The following REC114 variants were observed in gnomAD, a reference collection of about 807,000 sequenced individuals.
REC114 encodes meiotic recombination protein REC114.
A neutral mutation model predicts 31.3 loss-of-function variants in REC114; 27 were observed. The ratio of observed to expected loss-of-function variants is 0.86; its 90% CI spans 0.64 to 1.19. The LOEUF is 1.19. REC114 is among the 50% of genes most tolerant of loss of function. The pLI is 0.00. For missense variants in REC114, 344 were observed against 326.9 expected (o/e 1.05, Z -0.40); for synonymous variants, 134 against 127.7 (o/e 1.05, Z -0.33).
At chr15:73,519,428 C>G (rs545672995) in intron 2 of REC114, among the ~76,000 whole-genome samples, 22 of 152,314 alleles carry the variant, frequency 1.4e-4, no homozygotes, top group African/African-American at 5.3e-4. Flanking sequence ...TTCCACTGTT[C>G]ATAAACCACC....
Position 73,469,685 on chromosome 15 carries a change from T to C in REC114, c.160-4147T>C, listed in dbSNP as rs190330961. 1.4e-3 allele frequency among the ~76,000 whole-genome samples: 207 copies of C among 149,812 alleles called. 3 individuals carry two copies. The East Asian group carries it at 0.033, about 24-fold the overall frequency. ...CCTTAGGCAAGCCTTAGACTCTTTTTTTTTTTTTTTTTTTTTTAAGACTCC... is the reference window on the plus strand; with the variant it reads ...CCTTAGGCAAGCCTTAGACTCTTTTCTTTTTTTTTTTTTTTTTAAGACTCC... On this transcript the variant is annotated intron_variant, in intron 1 of 5. Coordinates refer to ENST00000331090, the MANE Select transcript of REC114 (RefSeq NM_001042367.2).
intron 3 of REC114, among the ~76,000 whole-genome samples, chr15:73,543,611 G>C (rs992336184): frequency 7.2e-5 from 11 of 152,132 alleles, no homozygotes; most frequent in Non-Finnish European, 1.3e-4. Context: ...TTACAGGTGT[G>C]AGCCATCACA....
intron 2 of REC114, among the ~76,000 whole-genome samples, chr15:73,507,064 T>C (rs529289107): frequency 7.2e-4 from 109 of 152,156 alleles, no homozygotes; most frequent in African/African-American, 2.4e-3. Context: ...AAAAATACCA[T>C]AAAGTTTTAA....
At chr15:73,511,574 G>T (rs1479511015) in intron 2 of REC114, among the ~76,000 whole-genome samples, 4 of 146,262 alleles carry the variant, frequency 2.7e-5, no homozygotes, top group African/African-American at 1.0e-4. Flanking sequence ...TTCTCTTGTG[G>T]GCATTTAGTG....
intron 2 of REC114, among the ~76,000 whole-genome samples, chr15:73,502,505 G>T (rs185060800): frequency 2.6e-5 from 4 of 152,228 alleles, no homozygotes; most frequent in Admixed American, 1.3e-4. Context: ...GATAAATTAA[G>T]ATAGAGAAAA....
At chr15:73,488,355 C>A (rs1893401111) in intron 2 of REC114, among the ~76,000 whole-genome samples, 1 of 152,182 alleles carries the variant, frequency 6.6e-6, no homozygotes, top group African/African-American at 2.4e-5. Flanking sequence ...TCCAAACACT[C>A]TTTTATATTC....
intron 2 of REC114, among the ~76,000 whole-genome samples, chr15:73,493,266 G>A (rs1200303192): frequency 6.6e-6 from 1 of 151,946 alleles, no homozygotes; most frequent in Non-Finnish European, 1.5e-5. Context: ...CAAGCTCCTT[G>A]TTTATTTATT....
chr15:73,543,509 A>G (rs1165399927), intron 3 of REC114, among the ~76,000 whole-genome samples: 3 of 152,050 alleles, frequency 2.0e-5, no homozygotes, highest in African/African-American at 7.2e-5. Context: ...TTGTATTTTT[A>G]GGAGAGACGG....
intron 2 of REC114, among the ~76,000 whole-genome samples, chr15:73,531,786 C>CT (rs1376192886): frequency 6.6e-6 from 1 of 152,172 alleles, no homozygotes. Flanking sequence ...CCTCCTGCTG[C>CT]TAGACTCCAT....
intron 2 of REC114, among the ~76,000 whole-genome samples, chr15:73,474,201 G>A (rs7163253): frequency 0.02 from 3,060 of 152,308 alleles, 125 homozygotes; most frequent in African/African-American, 0.069. Context: ...ATTGAGTTAA[G>A]ATAGGCTTGT....
chr15:73,453,633 G>A (rs1892880979), intron 1 of REC114, among the ~76,000 whole-genome samples: 2 of 152,234 alleles, frequency 1.3e-5, no homozygotes, highest in South Asian at 4.2e-4. Flanking sequence ...ATACCCAAAG[G>A]ATTATAAATC....
At chr15:73,486,316 T>C (rs753333762) in intron 2 of REC114, among the ~76,000 whole-genome samples, 1 of 152,136 alleles carries the variant, frequency 6.6e-6, no homozygotes, top group Non-Finnish European at 1.5e-5. Context: ...CAGGCTGGTC[T>C]CGAGCTCCTG....
chr15:73,517,311 T>C (rs1351835723), intron 2 of REC114, among the ~76,000 whole-genome samples: 2 of 152,142 alleles, frequency 1.3e-5, no homozygotes, highest in Non-Finnish European at 2.9e-5. Context: ...AAAAGGTATC[T>C]CTCAAACAAA....
chr15:73,535,428 G>T (rs954039616), intron 2 of REC114, among the ~76,000 whole-genome samples: 1 of 151,970 alleles, frequency 6.6e-6, no homozygotes, highest in Admixed American at 6.6e-5. Context: ...ATTCACAATT[G>T]CTTCAAAGAG....
At chr15:73,556,049 C>A (rs1393957745) in intron 4 of REC114, among the ~76,000 whole-genome samples, 1 of 152,196 alleles carries the variant, frequency 6.6e-6, no homozygotes, top group Non-Finnish European at 1.5e-5. Flanking sequence ...GGAAGAAGCA[C>A]TAACAGCCTG....
chr15:73,481,650 CTTTTTT>C (rs530704232), intron 2 of REC114, among the ~76,000 whole-genome samples: 1 of 114,062 alleles, frequency 8.8e-6, no homozygotes, highest in African/African-American at 3.7e-5. Context: ...TCTTAACTCC[CTTTTTT>C]TTTTTTTTTT....
chr15:73,486,938 T>C (rs968997901), intron 2 of REC114, among the ~76,000 whole-genome samples: 4 of 152,000 alleles, frequency 2.6e-5, no homozygotes, highest in African/African-American at 9.7e-5. Flanking sequence ...GGAGAATCGC[T>C]TGAACCCAAG....
At chr15:73,495,062 A>C (rs1893499935) in intron 2 of REC114, among the ~76,000 whole-genome samples, 2 of 152,168 alleles carry the variant, frequency 1.3e-5, no homozygotes. Flanking sequence ...CTTTGTATTT[A>C]GTATGAAAAT....
chr15:73,488,850 A>G (rs1370533141), intron 2 of REC114, among the ~76,000 whole-genome samples: 1 of 152,112 alleles, frequency 6.6e-6, no homozygotes, highest in Non-Finnish European at 1.5e-5. Flanking sequence ...CTTCAAAACT[A>G]TTCCAGCCTG....
Sources: gnomAD v4.1 joint callset for allele counts (sites outside exome capture counted in the v4.1 genomes callset) on GRCh38, gnomAD v4.1.1 for gene constraint, MANE v1.5 for transcripts, NCBI Gene and HGNC (gene_info 2026-07-23, HGNC 2026-07-21) for gene names.